Variants in LRRC7 observed in about 807,000 individuals in gnomAD.
LRRC7 encodes leucine rich repeat containing 7, also known as leucine-rich repeat-containing protein 7.
LRRC7 carries 23 observed loss-of-function variants against 175.7 expected under a neutral mutation model. The ratio of observed to expected loss-of-function variants is 0.13; its 90% CI spans 0.09 to 0.19. LRRC7 has a LOEUF of 0.19. Ranked by LOEUF, LRRC7 falls within the 10% of genes least tolerant of loss-of-function variation. The pLI is 1.00. For synonymous variants in LRRC7, 685 were observed against 680.9 expected, an observed-to-expected ratio of 1.01 and a Z score of -0.09; for missense variants, 1,354 against 1,904.7, an observed-to-expected ratio of 0.71 and a Z score of 5.38.
chr1:69,585,525 T>A (rs1646369677), intron 1 of LRRC7, among the ~76,000 whole-genome samples: 1 of 152,170 alleles, frequency 6.6e-6, no homozygotes, highest in South Asian at 2.1e-4. Flanking sequence ...ATGCAAAGCT[T>A]CTAAAAAGTT....
At chr1:69,800,465 G>A (rs1333335345) in intron 4 of LRRC7, among the ~76,000 whole-genome samples, 1 of 151,860 alleles carries the variant, frequency 6.6e-6, no homozygotes. Flanking sequence ...CACCTCCATG[G>A]TTAAATAGAT....
At chr1:70,011,568 C>T (rs994919463) in intron 11 of LRRC7, among the ~76,000 whole-genome samples, 2 of 151,968 alleles carry the variant, frequency 1.3e-5, no homozygotes, top group African/African-American at 4.8e-5. Flanking sequence ...TTTTCAATGG[C>T]TGTTAAATAA....
At chr1:69,693,372 G>C (rs559289788) in intron 2 of LRRC7, among the ~76,000 whole-genome samples, 1 of 152,162 alleles carries the variant, frequency 6.6e-6, no homozygotes, top group Admixed American at 6.5e-5. Flanking sequence ...TAGAATGTAT[G>C]TGTATGTATA....
intron 7 of LRRC7, among the ~76,000 whole-genome samples, chr1:69,880,994 C>A (rs1229995986): frequency 1.3e-5 from 2 of 152,178 alleles, no homozygotes; most frequent in Admixed American, 1.3e-4. Flanking sequence ...GACTAAGATC[C>A]AGTCCAAATG....
chr1:69,779,464 T>C (rs976905305), intron 3 of LRRC7, among the ~76,000 whole-genome samples: 3 of 152,216 alleles, frequency 2.0e-5, no homozygotes, highest in Non-Finnish European at 4.4e-5. Context: ...AAATAACATT[T>C]TCATTTAAAT....
chr1:69,582,554 TCA>T (rs1156810008), intron 1 of LRRC7, among the ~76,000 whole-genome samples: 1 of 152,198 alleles, frequency 6.6e-6, no homozygotes, highest in Non-Finnish European at 1.5e-5. Context: ...CCAAAACAAG[TCA>T]CATAACCAAG....
intron 2 of LRRC7, among the ~76,000 whole-genome samples, chr1:69,725,365 C>T (rs1487010833): frequency 6.6e-6 from 1 of 152,004 alleles, no homozygotes. Flanking sequence ...GTTCAAGGGT[C>T]AACTGTACTA....
chr1:69,624,648 T>G (rs886127577), intron 1 of LRRC7, among the ~76,000 whole-genome samples: 1 of 152,164 alleles, frequency 6.6e-6, no homozygotes, highest in African/African-American at 2.4e-5. Context: ...TACATTTTAA[T>G]CTACACTCAT....
chr1:69,762,516 T>C (rs1392648414), intron 3 of LRRC7, among the ~76,000 whole-genome samples: 3 of 151,822 alleles, frequency 2.0e-5, no homozygotes, highest in African/African-American at 7.3e-5. Flanking sequence ...AAATTTAAGA[T>C]GCATCAAGAG....
chr1:69,738,920 A>C (rs1257548234), intron 2 of LRRC7, among the ~76,000 whole-genome samples: 3 of 152,104 alleles, frequency 2.0e-5, no homozygotes, highest in Non-Finnish European at 4.4e-5. Flanking sequence ...CAGGACCTAG[A>C]AAAAGATGGC....
At chr1:69,969,313 G>A (rs1286673415) in intron 8 of LRRC7, among the ~76,000 whole-genome samples, 1 of 152,112 alleles carries the variant, frequency 6.6e-6, no homozygotes, top group African/African-American at 2.4e-5. Context: ...TGGTCTAAAT[G>A]CTCCACTTAA....
At position 69,717,768 on chromosome 1, in the gene LRRC7, A is replaced by AGG. The variant is rs1557640350; in HGVS notation, c.100+39290_100+39291insGG. ...AAGATATTGGAACATGAAAAAAAGAAAAAAAGAAAGAAAGAAAGAAAGAAA... is the reference window on the plus strand; with the variant it reads ...AAGATATTGGAACATGAAAAAAAGAAGGAAAAAGAAAGAAAGAAAGAAAGAAA... On this transcript the variant is annotated intron_variant, in intron 2 of 26. Coordinates refer to ENST00000651989, the MANE Select transcript of LRRC7 (RefSeq NM_001370785.2). Among the ~76,000 whole-genome samples the AGG allele has an allele frequency of 5.3e-4, 38 of 71,090 alleles. 1 individual carries two copies. The highest frequency in any genetic ancestry group is 2.5e-3 in the African/African-American group (34 of 13,498). 46.6% of individuals were successfully genotyped at this position (71,090 alleles called of 152,430 possible).
At chr1:69,591,346 G>A (rs1304962647) in intron 1 of LRRC7, among the ~76,000 whole-genome samples, 3 of 152,006 alleles carry the variant, frequency 2.0e-5, no homozygotes, top group Non-Finnish European at 4.4e-5. Flanking sequence ...TAAAGTGTCT[G>A]AGAATTTTTT....
At chr1:69,755,069 T>A (rs1405129600) in intron 2 of LRRC7, among the ~76,000 whole-genome samples, 3 of 151,898 alleles carry the variant, frequency 2.0e-5, no homozygotes, top group Admixed American at 6.6e-5. Flanking sequence ...TCAGAAGAGT[T>A]GATGTCAGGG....
At chr1:69,956,080 A>G (rs1277338835) in intron 8 of LRRC7, among the ~76,000 whole-genome samples, 1 of 151,992 alleles carries the variant, frequency 6.6e-6, no homozygotes, top group Non-Finnish European at 1.5e-5. Flanking sequence ...GCAGTTGTGG[A>G]ATGTGGAAAC....
intron 8 of LRRC7, among the ~76,000 whole-genome samples, chr1:69,938,016 C>G (rs965901351): frequency 3.3e-5 from 5 of 151,504 alleles, no homozygotes; most frequent in African/African-American, 1.2e-4. Flanking sequence ...ATAGGCTACT[C>G]AATTTCTGGA....
intron 3 of LRRC7, among the ~76,000 whole-genome samples, chr1:69,785,193 A>T (rs1011537365): frequency 4.6e-5 from 7 of 152,132 alleles, no homozygotes; most frequent in Non-Finnish European, 1.5e-5. Context: ...TTGAAGATCC[A>T]TCAAATGTTC....
chr1:69,588,982 G>GATCTGT (rs768454450), intron 1 of LRRC7, among the ~76,000 whole-genome samples: 1 of 104,262 alleles, frequency 9.6e-6, no homozygotes, highest in African/African-American at 4.5e-5. Context: ...CTCCTGCTGG[G>GATCTGT]GTCTGTGTGT....
intron 1 of LRRC7, among the ~76,000 whole-genome samples, chr1:69,582,951 A>G (rs1248030604): frequency 6.6e-6 from 1 of 152,264 alleles, no homozygotes; most frequent in South Asian, 2.1e-4. Context: ...CCTAAGTTAT[A>G]AGACATTTGG....
Sources: gnomAD v4.1 joint callset for allele counts (sites outside exome capture counted in the v4.1 genomes callset) on GRCh38, gnomAD v4.1.1 for gene constraint, MANE v1.5 for transcripts, NCBI Gene and HGNC (gene_info 2026-07-23, HGNC 2026-07-21) for gene names.